The following RNPEPL1 variants were observed in gnomAD, a reference collection of about 807,000 sequenced individuals.
The protein encoded by RNPEPL1 is aminopeptidase RNPEPL1.
RNPEPL1 carries 46 observed loss-of-function variants against 69.0 expected under a neutral mutation model. The observed-to-expected ratio is 0.67, with a 90% CI of 0.53 to 0.85. RNPEPL1 has a LOEUF of 0.85. Among genes scored for constraint, RNPEPL1 ranks in the 40% least tolerant of loss-of-function variants. The pLI, the probability that RNPEPL1 is intolerant of heterozygous loss-of-function variation, is 0.00. For synonymous variants in RNPEPL1, 525 were observed against 454.1 expected (o/e 1.16, Z -1.98); for missense variants, 869 against 992.5 (o/e 0.88, Z 1.67).
At chr2:240,571,594 G>A (rs1310271481) in intron 1 of RNPEPL1, among the ~76,000 whole-genome samples, 1 of 152,014 alleles carries the variant, frequency 6.6e-6, no homozygotes, top group African/African-American at 2.4e-5. Flanking sequence ...ATAGTGGCAG[G>A]AGGGCCCCGG....
chr2:240,569,495 C>T (rs994671681), intron 1 of RNPEPL1, among the ~76,000 whole-genome samples: 21 of 152,256 alleles, frequency 1.4e-4, no homozygotes, highest in African/African-American at 4.8e-4. Flanking sequence ...AAGCCAGAGG[C>T]AGAGGAAAGG....
chr2:240,575,222 G>T, intron 7 of RNPEPL1, 80 bp downstream of exon 7: 1 of 1,155,708 alleles, frequency 8.7e-7, no homozygotes, highest in East Asian at 2.3e-5. Context: ...GCCTGCTCTT[G>T]CGGCAGTTGG....
chr2:240,574,152 G>C lies in RNPEPL1; in HGVS notation c.978G>C (p.Val326=). Residue 326 remains valine, a synonymous_variant, in exon 5 of 11, where the codon GTG becomes GTC. Transcript: ENST00000270357. The stretch of plus-strand genomic sequence containing the variant: ...TCCTGCCACCCTCCTTCCCCATCGT[G>C]GCCATGGAGAACCCCTGCCTCACCT... ...IVFLPPSFPI[V]AMENPCLTFI... 3 of 1,613,328 alleles carry C rather than the reference G, an allele frequency of 1.9e-6. No individual in the cohort carries two copies. Among genetic ancestry groups the C allele is most frequent in the Non-Finnish European group, 1.7e-6 (2 of 1,179,890 alleles).
chr2:240,574,960 A>G, intron 6 of RNPEPL1, 70 bp from the exon 7 acceptor site: 5 of 1,185,086 alleles, frequency 4.2e-6, no homozygotes, highest in Non-Finnish European at 5.1e-6. Flanking sequence ...GAGCCTGACC[A>G]CTGCCCCTCC....
At position 240,581,256 on chromosome 2, in the gene RNPEPL1, C is replaced by T. The variant is rs929622532; in HGVS notation, c.*3364C>T. The T allele has an allele frequency of 1.3e-5, 2 of 152,048 alleles. No individual in the cohort carries two copies. Among genetic ancestry groups the T allele is most frequent in the African/African-American group, 4.8e-5 (2 of 41,376 alleles). 9.4% of individuals were successfully genotyped at this position (152,048 alleles called of 1,614,324 possible). Reference sequence around the variant, plus strand: ...ACCTAAAGACGACTTTTGAAATAAACCATAACATATGAAGAGGCACTTATG... The same window carrying T: ...ACCTAAAGACGACTTTTGAAATAAATCATAACATATGAAGAGGCACTTATG... On this transcript the variant is annotated 3_prime_UTR_variant, in exon 11 of 11. Transcript: ENST00000270357.
At chr2:240,576,179 G>C (rs2953145) in intron 8 of RNPEPL1, 285,933 of 353,802 alleles carry the variant, frequency 0.81, 116,236 homozygotes, top group East Asian at 0.96. Context: ...ATCATCTTAA[G>C]AGCCTGTTGC....
At chr2:240,570,549 C>T (rs935958865) in intron 1 of RNPEPL1, among the ~76,000 whole-genome samples, 1 of 152,220 alleles carries the variant, frequency 6.6e-6, no homozygotes, top group Non-Finnish European at 1.5e-5. Context: ...GGGACTCAGG[C>T]CCAAATCCCT....
intron 10 of RNPEPL1, 58 bp downstream of exon 10, chr2:240,577,048 T>A (rs2093039972): frequency 1.0e-5 from 16 of 1,599,452 alleles, no homozygotes; most frequent in Non-Finnish European, 1.4e-5. Context: ...GGACTGGGAG[T>A]CCCACCCGAC....
At chr2:240,570,529 G>T (rs922714740) in intron 1 of RNPEPL1, among the ~76,000 whole-genome samples, 1 of 152,212 alleles carries the variant, frequency 6.6e-6, no homozygotes, top group Non-Finnish European at 1.5e-5. Flanking sequence ...TTCTCTTCCT[G>T]CATGTTCCAG....
chr2:240,576,954 T>G lies in RNPEPL1; in HGVS notation c.1848T>G (p.Pro616=). Residue 616 remains proline (P), a synonymous_variant, in exon 10 of 11, where the codon CCT becomes CCG. Transcript: ENST00000270357. ...TTGTGGTCCGCAACGACTACTATCC[T>G]GACCTCCACAGGGTGCGGCGCTTCC... ...LQIVVRNDYY[P]DLHRVRRFLE... is the part of the protein sequence containing the mutation. The G allele has an allele frequency of 6.2e-7, 1 of 1,613,450 alleles. No homozygotes were observed. The highest frequency in any genetic ancestry group is 8.5e-7 in the Non-Finnish European group (1 of 1,179,960).
chr2:240,569,334 C>T (rs1319330333), intron 1 of RNPEPL1: 3 of 509,002 alleles, frequency 5.9e-6, no homozygotes, highest in African/African-American at 4.1e-5. Flanking sequence ...TCCGGGAAGC[C>T]TCCCGTTCAG....
chr2:240,571,510 C>G (rs1005212401), intron 1 of RNPEPL1, among the ~76,000 whole-genome samples: 1 of 152,016 alleles, frequency 6.6e-6, no homozygotes, highest in Non-Finnish European at 1.5e-5. Context: ...AAGAGGGTCC[C>G]CCTCCCAGAC....
chr2:240,573,947 G>T, intron 4 of RNPEPL1, 56 bp downstream of exon 4: 1 of 1,498,808 alleles, frequency 6.7e-7, no homozygotes, highest in Non-Finnish European at 9.1e-7. Flanking sequence ...CAGAGGGGGA[G>T]CCCCTCGTCT....
At chr2:240,569,146 C>G (rs994206453) in intron 1 of RNPEPL1, 32 bp downstream of exon 1, 110 of 1,426,820 alleles carry the variant, frequency 7.7e-5, no homozygotes, top group Non-Finnish European at 9.8e-5. Context: ...GGGCTGCGGG[C>G]CGGTCCGCAG....
chr2:240,574,986 C>G, intron 6 of RNPEPL1, 44 bp from the exon 7 acceptor site: 1 of 1,447,856 alleles, frequency 6.9e-7, no homozygotes, highest in South Asian at 1.1e-5. Flanking sequence ...CCACGGGACA[C>G]TGGTGGTTTC....
Position 240,574,630 on chromosome 2 carries a change from T to C in RNPEPL1, c.1288+2T>C, listed in dbSNP as rs1247596654. 1 of 1,610,422 alleles carries C rather than the reference T, an allele frequency of 6.2e-7. No individual in the cohort carries two copies. Among genetic ancestry groups the C allele is most frequent in the African/African-American group, 1.3e-5 (1 of 75,012 alleles). ...AACTGCAGGTCAAGCTGGAGCCAGG[T>C]ACCTGCTCCTCAGGACCCGCTCCCA... On this transcript the variant is annotated splice_donor_variant, in intron 6 of 10. Transcript: ENST00000270357. LOFTEE classifies it high-confidence loss of function.
chr2:240,577,863 T>C lies in RNPEPL1; in HGVS notation c.2149T>C (p.Ser717Pro). Residue 717 changes from serine (S) to proline (P), a missense_variant, in exon 11 of 11, where the codon TCT becomes CCT. Physicochemically the swap from Ser to Pro is moderately conservative, Grantham distance 74. Around this residue, in one of 2 missense-constraint regions of RNPEPL1, gnomAD observed 610 missense variants for 790.9 expected, o/e 0.77. Coordinates refer to ENST00000270357, the MANE Select transcript of RNPEPL1 (RefSeq NM_018226.6). ...LGDEAPSSAI[S>P]LRDVNVSA ...GGACGAGGCCCCCAGCAGTGCCATC[T>C]CTCTCAGGGACGTCAATGTGTCTGC... 1.9e-6 allele frequency: 3 copies of C among 1,561,074 alleles called. No homozygotes were observed. The highest frequency in any genetic ancestry group is 2.6e-6 in the Non-Finnish European group (3 of 1,147,776).
At chr2:240,569,704 C>T (rs916860056) in intron 1 of RNPEPL1, among the ~76,000 whole-genome samples, 5 of 152,226 alleles carry the variant, frequency 3.3e-5, no homozygotes, top group African/African-American at 1.2e-4. Context: ...ACCCCCTCCA[C>T]CTCCACCAGT....
In RNPEPL1 at chr2:240,568,881, G is replaced by A; in HGVS notation, c.295G>A (p.Glu99Lys). ...AFRRAPAAAA[E>K]TPCAFAFSAP... ...CCGTCGCGCCCCCGCCGCCGCCGCC[G>A]AGACGCCCTGCGCCTTCGCCTTCTC... Residue 99 changes from glutamate (E) to lysine (K), a missense_variant, in exon 1 of 11, where the codon GAG becomes AAG. By Grantham distance (56) the Glu-to-Lys change is moderately conservative. Coordinates refer to ENST00000270357, the MANE Select transcript of RNPEPL1 (RefSeq NM_018226.6). This position sits in a 1 kb window ranked among gnomAD's most constrained non-coding sequence, Gnocchi z 6.2. 2.6e-5 allele frequency: 32 copies of A among 1,243,992 alleles called. No individual in the cohort carries two copies. The highest frequency in any genetic ancestry group is 3.2e-5 in the Non-Finnish European group (32 of 990,568). 77.1% of individuals were successfully genotyped at this position (1,243,992 alleles called of 1,614,324 possible).
Sources: allele counts gnomAD v4.1 joint callset (sites outside exome capture counted in the v4.1 genomes callset), GRCh38; gene constraint gnomAD v4.1.1; regional missense constraint gnomAD v4.1.1; non-coding constraint Gnocchi (gnomAD v3.1); transcripts MANE v1.5; gene names NCBI Gene and HGNC (gene_info 2026-07-23, HGNC 2026-07-21).